Variants in TENM2 observed in about 807,000 individuals in gnomAD.
TENM2 encodes teneurin transmembrane protein 2.
TENM2 carries 52 observed loss-of-function variants against 245.2 expected under a neutral mutation model. That is an observed-to-expected ratio of 0.21 (90% confidence interval 0.17 to 0.27). The LOEUF (loss-of-function observed/expected upper bound fraction) is 0.27, where lower values mean the gene tolerates loss of function less well. Among genes scored for constraint, TENM2 ranks in the 10% least tolerant of loss-of-function variants. TENM2 has a pLI of 1.00. For synonymous variants in TENM2, 1,363 were observed against 1,438.9 expected, an observed-to-expected ratio of 0.95 and a Z score of 1.19; for missense variants, 3,046 against 3,666.8, an observed-to-expected ratio of 0.83 and a Z score of 4.37.
chr5:167,502,442 A>G (rs996147152), intron 2 of TENM2, among the ~76,000 whole-genome samples: 1 of 152,138 alleles, frequency 6.6e-6, no homozygotes, highest in Non-Finnish European at 1.5e-5. Context: ...AGTTTTTCCA[A>G]TCTGTTTATT....
chr5:167,286,670 GT>G (rs1754292336), intron 1 of TENM2, among the ~76,000 whole-genome samples: 1 of 152,052 alleles, frequency 6.6e-6, no homozygotes, highest in African/African-American at 2.4e-5. Flanking sequence ...TCCTGCATAC[GT>G]TTTTGTGTCT....
At chr5:167,051,570 T>C in the TENM2 span, among the ~76,000 whole-genome samples, 59 of 152,302 alleles carry the variant, frequency 3.9e-4, no homozygotes, top group African/African-American at 1.2e-3. Context: ...GAAAACTCTA[T>C]TCGCATTCTC....
intron 2 of TENM2, among the ~76,000 whole-genome samples, chr5:167,753,831 T>C (rs1762112183): frequency 6.6e-6 from 1 of 152,148 alleles, no homozygotes; most frequent in Non-Finnish European, 1.5e-5. Flanking sequence ...GTGTATTCCA[T>C]GGTGCATAAC....
At chr5:167,720,870 T>C (rs1759579488) in intron 2 of TENM2, among the ~76,000 whole-genome samples, 1 of 152,232 alleles carries the variant, frequency 6.6e-6, no homozygotes, top group Non-Finnish European at 1.5e-5. Context: ...ACTACTTGAA[T>C]GTAAAATGTA....
chr5:168,167,648 G>A (rs115426029), intron 13 of TENM2, among the ~76,000 whole-genome samples: 13 of 152,096 alleles, frequency 8.5e-5, no homozygotes, highest in Non-Finnish European at 1.2e-4. Flanking sequence ...CCCTCGTTCC[G>A]TTTCAACACA....
chr5:167,233,332 A>G, the TENM2 span, among the ~76,000 whole-genome samples: 1 of 146,662 alleles, frequency 6.8e-6, no homozygotes, highest in African/African-American at 2.6e-5. Context: ...AGGTTTTAGG[A>G]AGATAGCGGC....
At chr5:167,859,916 T>G (rs1304200155) in intron 2 of TENM2, among the ~76,000 whole-genome samples, 5 of 5,162 alleles carry the variant, frequency 9.7e-4, no homozygotes, top group East Asian at 3.8e-3. Context: ...GGTGGGGGGG[T>G]CGGCCCCCCG....
At chr5:167,226,529 T>G in the TENM2 span, among the ~76,000 whole-genome samples, 3 of 152,038 alleles carry the variant, frequency 2.0e-5, no homozygotes, top group African/African-American at 7.2e-5. Flanking sequence ...AGTACTGATT[T>G]TAAAAAACTT....
intron 4 of TENM2, among the ~76,000 whole-genome samples, chr5:167,973,668 G>A (rs1425200384): frequency 6.6e-6 from 1 of 152,164 alleles, no homozygotes; most frequent in Non-Finnish European, 1.5e-5. Context: ...AACAGTGAGA[G>A]CTGCCCCAGC....
chr5:167,658,354 A>C (rs527252862), intron 2 of TENM2, among the ~76,000 whole-genome samples: 1 of 152,056 alleles, frequency 6.6e-6, no homozygotes, highest in South Asian at 2.1e-4. Flanking sequence ...CGTTACAGGC[A>C]TGTGCCACCG....
intron 4 of TENM2, among the ~76,000 whole-genome samples, chr5:167,989,044 A>G (rs1783457256): frequency 6.6e-6 from 1 of 152,196 alleles, no homozygotes; most frequent in African/African-American, 2.4e-5. Context: ...CTGTCCACAA[A>G]TATGACTGAT....
intron 2 of TENM2, among the ~76,000 whole-genome samples, chr5:167,548,622 T>C (rs1772727356): frequency 6.6e-6 from 1 of 152,134 alleles, no homozygotes; most frequent in Admixed American, 6.5e-5. Context: ...TTTGTTTCAT[T>C]CTACAAGGGT....
At chr5:167,112,360 A>G in the TENM2 span, among the ~76,000 whole-genome samples, 2 of 152,218 alleles carry the variant, frequency 1.3e-5, no homozygotes, top group African/African-American at 4.8e-5. Flanking sequence ...GCTGTTTCCT[A>G]TTGACTCATA....
chr5:167,889,395 T>G (rs538155773), intron 3 of TENM2, among the ~76,000 whole-genome samples: 5 of 152,202 alleles, frequency 3.3e-5, no homozygotes, highest in Admixed American at 3.3e-4. Flanking sequence ...CATTCACACT[T>G]GACTAGGATC....
rs543334164 is a variant in TENM2, at chr5:167,861,155, A to G, written c.503-14831A>G. 1.7e-3 allele frequency among the ~76,000 whole-genome samples: 263 copies of G among 151,528 alleles called. 1 individual carries two copies. The highest frequency in any genetic ancestry group is 6.2e-3 in the African/African-American group (254 of 41,272). On this transcript the variant is annotated intron_variant, in intron 2 of 28. Transcript: ENST00000518659. ...TGTCTATTTCAGGGTGTCTGCCCAC[A>G]TCTCTCTTTATTTACTCCTTCTCTC...
chr5:168,146,298 G>A (rs1421320806), intron 12 of TENM2, among the ~76,000 whole-genome samples: 1 of 151,942 alleles, frequency 6.6e-6, no homozygotes, highest in Non-Finnish European at 1.5e-5. Flanking sequence ...GGAATTAGAG[G>A]GGAAAAGGTC....
intron 2 of TENM2, among the ~76,000 whole-genome samples, chr5:167,740,927 C>T (rs1192331703): frequency 2.0e-5 from 3 of 152,164 alleles, no homozygotes; most frequent in African/African-American, 7.2e-5. Context: ...TGCAGACGTG[C>T]CAAGCTCATT....
chr5:167,847,418 C>G (rs1770149837), intron 2 of TENM2, among the ~76,000 whole-genome samples: 1 of 152,184 alleles, frequency 6.6e-6, no homozygotes. Flanking sequence ...TTCTATTAAC[C>G]CAAACTCATT....
At chr5:168,114,262 C>T (rs188882206) in intron 9 of TENM2, among the ~76,000 whole-genome samples, 3 of 152,202 alleles carry the variant, frequency 2.0e-5, no homozygotes, top group Non-Finnish European at 2.9e-5. Context: ...GTAATCTTGC[C>T]AAAATCCACA....
Sources: allele counts gnomAD v4.1 joint callset (sites outside exome capture counted in the v4.1 genomes callset), GRCh38; gene constraint gnomAD v4.1.1; transcripts MANE v1.5; gene names NCBI Gene and HGNC (gene_info 2026-07-23, HGNC 2026-07-21).